TAFA1: variants seen among roughly 807,000 people sequenced by gnomAD.
TAFA1 encodes TAFA chemokine like family member 1.
TAFA1 carries 4 observed loss-of-function variants against 18.5 expected under a neutral mutation model. The observed-to-expected ratio is 0.22, with a 90% confidence interval of 0.11 to 0.49. TAFA1 has a LOEUF of 0.49. TAFA1 is among the 20% of genes least tolerant of loss of function. The pLI is 0.98. For missense variants in TAFA1, 147 were observed against 169.0 expected (o/e 0.87, Z 0.72); for synonymous variants, 56 against 55.2 (o/e 1.01, Z -0.06).
chr3:68,169,789 AG>A (rs2066029667), intron 2 of TAFA1, among the ~76,000 whole-genome samples: 1 of 152,224 alleles, frequency 6.6e-6, no homozygotes, highest in Non-Finnish European at 1.5e-5. Context: ...AGGTAGAGAA[AG>A]GCAACTTCAA....
At chr3:68,248,135 A>G (rs2067119517) in intron 2 of TAFA1, among the ~76,000 whole-genome samples, 1 of 152,232 alleles carries the variant, frequency 6.6e-6, no homozygotes. Context: ...TTCTGTACAT[A>G]ACTGACTTTC....
At chr3:68,036,930 A>G (rs1705062084) in intron 2 of TAFA1, among the ~76,000 whole-genome samples, 1 of 152,270 alleles carries the variant, frequency 6.6e-6, no homozygotes, top group East Asian at 1.9e-4. Context: ...TTGAGCACTT[A>G]TCTAACACTT....
intron 3 of TAFA1, among the ~76,000 whole-genome samples, chr3:68,490,838 T>TC (rs1349151172): frequency 1.7e-5 from 2 of 117,420 alleles, no homozygotes; most frequent in African/African-American, 2.9e-5. Flanking sequence ...TTTCTTTTTT[T>TC]TCTTTTTTTT....
intron 2 of TAFA1, among the ~76,000 whole-genome samples, chr3:68,081,069 T>C (rs1233042490): frequency 6.6e-6 from 1 of 152,202 alleles, no homozygotes; most frequent in Non-Finnish European, 1.5e-5. Flanking sequence ...CATTTCATCT[T>C]CCATCACTGA....
At chr3:68,205,564 A>C (rs533625079) in intron 2 of TAFA1, among the ~76,000 whole-genome samples, 7 of 152,012 alleles carry the variant, frequency 4.6e-5, no homozygotes, top group African/African-American at 1.4e-4. Context: ...ATGTTACTAC[A>C]ATGCGACAAA....
intron 3 of TAFA1, among the ~76,000 whole-genome samples, chr3:68,492,459 A>G (rs760012756): frequency 2.8e-4 from 42 of 152,296 alleles, no homozygotes; most frequent in Middle Eastern, 6.8e-3. Context: ...TGCTTCTCTG[A>G]TATTCTCCAT....
At chr3:68,541,989 C>A (rs1405858222) in intron 4 of TAFA1, among the ~76,000 whole-genome samples, 3 of 152,090 alleles carry the variant, frequency 2.0e-5, no homozygotes, top group Non-Finnish European at 4.4e-5. Context: ...CACCCCAGAA[C>A]GTCTGGAGTA....
chr3:68,000,958 T>C (rs183929218), upstream of TAFA1, among the ~76,000 whole-genome samples: 19 of 152,306 alleles, frequency 1.2e-4, no homozygotes, highest in African/African-American at 4.6e-4. Context: ...GGGGATCTGA[T>C]ATTAAATCAG....
chr3:68,477,025 C>T (rs1159269691), intron 3 of TAFA1, among the ~76,000 whole-genome samples: 3 of 152,130 alleles, frequency 2.0e-5, no homozygotes, highest in African/African-American at 7.2e-5. Flanking sequence ...CATGTGTCTC[C>T]TTTCAACTGC....
At chr3:68,521,558 A>G (rs2106751692) in intron 3 of TAFA1, among the ~76,000 whole-genome samples, 1 of 152,294 alleles carries the variant, frequency 6.6e-6, no homozygotes, top group Middle Eastern at 3.4e-3. Flanking sequence ...ATACCATAGA[A>G]GCCTAAAAGA....
chr3:68,355,015 A>G (rs573245202), intron 2 of TAFA1, among the ~76,000 whole-genome samples: 1 of 152,048 alleles, frequency 6.6e-6, no homozygotes, highest in Admixed American at 6.6e-5. Flanking sequence ...ACTCATTTAT[A>G]TGGTCGTTCA....
chr3:68,196,824 G>T (rs1306586638), intron 2 of TAFA1, among the ~76,000 whole-genome samples: 2 of 151,704 alleles, frequency 1.3e-5, no homozygotes, highest in African/African-American at 4.8e-5. Flanking sequence ...AATTGGCCCT[G>T]TTTAGCTCAT....
intron 3 of TAFA1, among the ~76,000 whole-genome samples, chr3:68,444,813 A>ATAT (rs1559673109): frequency 1.0e-4 from 14 of 134,196 alleles, no homozygotes; most frequent in Middle Eastern, 3.9e-3. Flanking sequence ...TATATATATA[A>ATAT]AATAAATTAA....
At chr3:68,161,498 T>C (rs1307092812) in intron 2 of TAFA1, among the ~76,000 whole-genome samples, 1 of 152,208 alleles carries the variant, frequency 6.6e-6, no homozygotes, top group Non-Finnish European at 1.5e-5. Flanking sequence ...AACCCAGCAA[T>C]GTAGGAGCTG....
chr3:68,176,662 C>T (rs1356725621), intron 2 of TAFA1, among the ~76,000 whole-genome samples: 1 of 152,148 alleles, frequency 6.6e-6, no homozygotes, highest in Non-Finnish European at 1.5e-5. Flanking sequence ...TACATATTTA[C>T]CACTTCTCTA....
At chr3:68,274,238 T>C (rs1327938332) in intron 2 of TAFA1, among the ~76,000 whole-genome samples, 1 of 152,216 alleles carries the variant, frequency 6.6e-6, no homozygotes, top group Non-Finnish European at 1.5e-5. Context: ...AGTTTCATTT[T>C]ATGCTGTTTA....
chr3:68,041,274 A>G (rs1239864006), intron 2 of TAFA1, among the ~76,000 whole-genome samples: 1 of 152,232 alleles, frequency 6.6e-6, no homozygotes, highest in African/African-American at 2.4e-5. Context: ...TGCATGTAAA[A>G]TGACCTGATT....
chr3:68,369,734 G>A (rs1421439262), intron 2 of TAFA1, among the ~76,000 whole-genome samples: 1 of 152,046 alleles, frequency 6.6e-6, no homozygotes, highest in Non-Finnish European at 1.5e-5. Context: ...GCTGCCTCTT[G>A]TGTTGTTTCT....
At chr3:68,521,567 G>C (rs1354168418) in intron 3 of TAFA1, among the ~76,000 whole-genome samples, 1 of 152,118 alleles carries the variant, frequency 6.6e-6, no homozygotes, top group Admixed American at 6.5e-5. Context: ...AAGCCTAAAA[G>C]AAGGAAGACT....
Sources: allele counts gnomAD v4.1 joint callset (sites outside exome capture counted in the v4.1 genomes callset), GRCh38; gene constraint gnomAD v4.1.1; transcripts MANE v1.5; gene names NCBI Gene and HGNC (gene_info 2026-07-23, HGNC 2026-07-21).